TTN: variants seen among roughly 807,000 people sequenced by gnomAD.
The protein encoded by TTN is connectin.
TTN carries 1,525 observed loss-of-function variants against 3,223.0 expected under a neutral mutation model. That is an observed-to-expected ratio of 0.47 (90% confidence interval 0.45 to 0.49). TTN has a LOEUF of 0.49. Ranked by LOEUF, TTN falls within the 20% of genes least tolerant of loss-of-function variation. The pLI is 0.00. For synonymous variants in TTN, 14,094 were observed against 15,161.0 expected, an observed-to-expected ratio of 0.93 and a Z score of 5.17; for missense variants, 40,786 against 43,424.0, an observed-to-expected ratio of 0.94 and a Z score of 5.40.
At position 178,573,186 on chromosome 2, in the gene TTN, T is replaced by C. The variant is rs745520420; in HGVS notation, c.72946A>G (p.Lys24316Glu). Residue 24316 changes from lysine (K) to glutamate (E), a missense_variant, in exon 326 of 363, where the codon AAG (lysine) becomes GAG (glutamate). Coordinates refer to ENST00000589042, the MANE Select transcript of TTN (RefSeq NM_001267550.2). ...GGTTTAAACACAGTGTCACAAGCCT[T>C]GTAAAATGGACTGGTAGGACTTGGT... is the stretch of plus-strand genomic sequence containing the variant. ...SAPSPTSPFY[K>E]ACDTVFKPGP... The C allele has an allele frequency of 2.5e-6, 4 of 1,610,438 alleles. No individual in the cohort carries two copies. The South Asian group carries it at 3.3e-5, about 13-fold the overall frequency.
chr2:178,545,096 A>G (rs758157713), intron 344 of TTN, among the ~76,000 whole-genome samples: 3 of 152,222 alleles, frequency 2.0e-5, no homozygotes, highest in Non-Finnish European at 2.9e-5. Flanking sequence ...TTACAGTACA[A>G]TGCATTTTTC....
In TTN at chr2:178,669,370, C is replaced by G; in HGVS notation, c.35545+3G>C. 1 of 1,521,890 alleles carries G rather than the reference C, an allele frequency of 6.6e-7. No homozygotes were observed. The highest frequency in any genetic ancestry group is 8.7e-7 in the Non-Finnish European group (1 of 1,143,950). The allele number at this position is 1,521,890 out of a possible 1,614,324, so 94.3% of individuals were successfully genotyped here. On this transcript the variant is annotated splice_donor_region_variant and intron_variant, in intron 159 of 362. Coordinates refer to ENST00000589042, the MANE Select transcript of TTN (RefSeq NM_001267550.2). ...AAAGAACCACTAATTTTTCTACACT[C>G]ACTGTACATCTCTGTGTCTTCAGAA...
intron 138 of TTN, 116 bp downstream of exon 138, chr2:178,680,963 T>G: frequency 1.1e-6 from 1 of 934,256 alleles, no homozygotes; most frequent in Non-Finnish European, 1.6e-6. Flanking sequence ...ACATCCAACA[T>G]TCTGCTGACA....
At position 178,735,493 on chromosome 2, in the gene TTN, C is replaced by T; in HGVS notation, c.14935+18G>A. The T allele has an allele frequency of 6.5e-7, 1 of 1,536,702 alleles. No homozygotes were observed. The highest frequency in any genetic ancestry group is 2.1e-5 in the Admixed American group (1 of 46,828). ...CTTGCAGAGAAGGGACTAGAAAATA[C>T]ATTCACACGTTTCTTACCTCTGACA... is the stretch of plus-strand genomic sequence containing the variant. On this transcript the variant is annotated intron_variant, in intron 50 of 362. Coordinates refer to ENST00000589042, the MANE Select transcript of TTN (RefSeq NM_001267550.2).
At position 178,764,257 on chromosome 2, in the gene TTN, G is replaced by A; in HGVS notation, c.10034C>T (p.Pro3345Leu). ...SPDQEMPVYP[P>L]AIITPLQDTV... ...GTCCTGAAGCGGGGTGATGATGGCA[G>A]GTGGATAAACAGGCATTTCCTGATC... The change falls in exon 43 of 363, where the codon CCT becomes CTT. Residue 3345 changes from proline (P) to leucine (L), a missense_variant. By Grantham distance (98) the Pro-to-Leu change is moderately conservative. Transcript: ENST00000589042. 6.2e-7 allele frequency: 1 copy of A among 1,614,090 alleles called. No individual in the cohort carries two copies. The highest frequency in any genetic ancestry group is 2.2e-5 in the East Asian group (1 of 44,840).
chr2:178,791,708 A>G (rs1469459427), intron 10 of TTN, among the ~76,000 whole-genome samples: 2 of 133,356 alleles, frequency 1.5e-5, no homozygotes, highest in African/African-American at 5.3e-5. Flanking sequence ...TGTGCATGTA[A>G]AGTTTGTGCA....
chr2:178,650,457 GC>G (rs2062751235), intron 209 of TTN, among the ~76,000 whole-genome samples, 186 bp from the exon 210 acceptor site: 1 of 152,020 alleles, frequency 6.6e-6, no homozygotes, highest in Non-Finnish European at 1.5e-5. Context: ...TCAAATGCTT[GC>G]AAAGCCCTTT....
rs2087157685 is a variant in TTN at position 178,756,799 on chromosome 2, T to A, written c.10679-2A>T. The stretch of plus-strand genomic sequence containing the variant: ...AACTTTGCCTATCTAGGGCTTGCAC[T>A]GTATAATCAAGTGACAAGAAAAAGA... On this transcript the variant is annotated splice_acceptor_variant, in intron 45 of 362. Transcript: ENST00000589042. LOFTEE classifies it high-confidence loss of function. 1.2e-6 allele frequency: 2 copies of A among 1,610,724 alleles called. No individual in the cohort carries two copies. Among genetic ancestry groups the A allele is most frequent in the Non-Finnish European group, 1.7e-6 (2 of 1,178,444 alleles).
rs1206178025 is a variant in TTN at position 178,695,859 on chromosome 2, A to G, written c.31207+6T>C. The G allele has an allele frequency of 1.4e-6, 2 of 1,442,088 alleles. No homozygotes were observed. Among genetic ancestry groups the G allele is most frequent in the Non-Finnish European group, 1.8e-6 (2 of 1,097,530 alleles). 89.3% of individuals were successfully genotyped at this position (1,442,088 alleles called of 1,614,324 possible). A position where few individuals can be genotyped will look rare whatever the true frequency, so the allele number is the denominator to read the frequency against. ...GAGGGAAACAAGTCATTCAGTTTATACATACCTTCATAGACCTCCTTTTGA... is the reference window on the plus strand; with the variant it reads ...GAGGGAAACAAGTCATTCAGTTTATGCATACCTTCATAGACCTCCTTTTGA... On this transcript the variant is annotated splice_donor_region_variant and intron_variant, in intron 114 of 362. Transcript: ENST00000589042.
Position 178,557,146 on chromosome 2 carries a change from T to C in TTN, c.88010-2A>G. 1 of 1,613,406 alleles carries C rather than the reference T, an allele frequency of 6.2e-7. No homozygotes were observed. ...TGATACGAACATTTCTTGGGGGTTC[T>C]GTGGTAATAAGAGAAGCAGATTAGC... On this transcript the variant is annotated splice_acceptor_variant, in intron 329 of 362. Transcript: ENST00000589042. LOFTEE classifies it high-confidence loss of function.
rs141213991 is a variant in TTN, at chr2:178,776,385, C to T, written c.5479G>A (p.Ala1827Thr). 1 of 1,612,876 alleles carries T rather than the reference C, an allele frequency of 6.2e-7. No homozygotes were observed. Among genetic ancestry groups the T allele is most frequent in the Non-Finnish European group, 8.5e-7 (1 of 1,179,964 alleles). The change falls in exon 28 of 363, where the codon GCA (alanine) becomes ACA (threonine). Residue 1827 changes from alanine (A) to threonine (T), a missense_variant. Ala to Thr is a moderately conservative substitution (Grantham distance 58, BLOSUM62 0). Transcript: ENST00000589042. ...TGATCTGTTGTTACACCTGTAAGTG[C>T]ACCTTCATGAGCCATTCTCTCTAAT... ...EELERMAHEG[A>T]LTGVTTDQKE...
intron 106 of TTN, among the ~76,000 whole-genome samples, chr2:178,703,498 G>A (rs936391744): frequency 5.9e-5 from 9 of 152,078 alleles, no homozygotes; most frequent in Admixed American, 2.0e-4. Flanking sequence ...CAGCAACTAC[G>A]AATGGGCACC....
intron 250 of TTN, 84 bp downstream of exon 250, chr2:178,619,536 CA>C: frequency 9.1e-6 from 14 of 1,530,492 alleles, no homozygotes; most frequent in Non-Finnish European, 1.2e-5. Context: ...AAGACCCTCA[CA>C]AGGATTACCT....
chr2:178,613,476 T>C (rs2056719575), intron 263 of TTN, among the ~76,000 whole-genome samples, 200 bp from the exon 264 acceptor site: 2 of 151,986 alleles, frequency 1.3e-5, no homozygotes, highest in African/African-American at 4.8e-5. Context: ...ACCAATCTAA[T>C]TATAATATCT....
Position 178,536,566 on chromosome 2 carries a change from C to G in TTN, c.100181G>C (p.Gly33394Ala). Reference protein sequence around the residue: ...VIIKSPFEKPGAPGKPTITAV... With the variant: ...VIIKSPFEKPAAPGKPTITAV... ...AGTAATAGTTGGTTTGCCAGGAGCA[C>G]CTGGCTTTTCTATTAAACAAAAAAA... The change falls in exon 357 of 363, where the codon GGT becomes GCT. Residue 33394 changes from glycine (G) to alanine (A), a missense_variant. By Grantham distance (60) the Gly-to-Ala change is moderately conservative (BLOSUM62 0). Transcript: ENST00000589042. 1 of 1,491,798 alleles carries G rather than the reference C, an allele frequency of 6.7e-7. No individual in the cohort carries two copies. The highest frequency in any genetic ancestry group is 1.5e-5 in the South Asian group (1 of 68,518). 92.4% of individuals were successfully genotyped at this position (1,491,798 alleles called of 1,614,324 possible). A position where few individuals can be genotyped will look rare whatever the true frequency, so the allele number is the denominator to read the frequency against.
At position 178,718,826 on chromosome 2, in the gene TTN, T is replaced by C; in HGVS notation, c.24374A>G (p.Asn8125Ser). The C allele has an allele frequency of 6.2e-7, 1 of 1,613,718 alleles. No individual in the cohort carries two copies. Among genetic ancestry groups the C allele is most frequent in the Non-Finnish European group, 8.5e-7 (1 of 1,179,746 alleles). Residue 8125 changes from asparagine (N) to serine (S), a missense_variant, in exon 84 of 363, where the codon AAC becomes AGC. Asn to Ser is a conservative substitution (Grantham distance 46). Transcript: ENST00000589042. ...TGTGACAAAATCTTCCAGAGAGATG[T>C]TGCATGACTCCCCAGGCACCAGTTC... is the stretch of plus-strand genomic sequence containing the variant. ...SRELVPGESC[N>S]ISLEDFVTEL...
rs368279077 is a variant in TTN at position 178,728,431 on chromosome 2, A to G, written c.19427-34T>C. 32 of 1,579,274 alleles carry G rather than the reference A, an allele frequency of 2.0e-5. No individual in the cohort carries two copies. In the African/African-American group the frequency reaches 3.4e-4, roughly 17 times the overall value. ...TGCAAACAGCAAAACACATCCATTA[A>G]TCTCTTGCTATTTGTTTACAAAGGA... On this transcript the variant is annotated intron_variant, in intron 66 of 362. Transcript: ENST00000589042.
At position 178,611,245 on chromosome 2, in the gene TTN, G is replaced by A; in HGVS notation, c.50884C>T (p.His16962Tyr). ...DCKPTIDLETHDIIVIEGEKL... is the reference protein window; with the variant it reads ...DCKPTIDLETYDIIVIEGEKL... ...TCACCTTCAATAACAATAATGTCAT[G>A]AGTCTCCAGGTCAATTGTTGGCTTG... The change falls in exon 270 of 363, where the codon CAT becomes TAT. Residue 16962 changes from histidine to tyrosine, a missense_variant. Coordinates refer to ENST00000589042, the MANE Select transcript of TTN (RefSeq NM_001267550.2). 1.2e-6 allele frequency: 2 copies of A among 1,612,356 alleles called. No homozygotes were observed. The highest frequency in any genetic ancestry group is 8.5e-7 in the Non-Finnish European group (1 of 1,179,158).
chr2:178,781,335 T>C (rs908682795), intron 20 of TTN, 72 bp from the exon 21 acceptor site: 76 of 1,542,682 alleles, frequency 4.9e-5, no homozygotes, highest in East Asian at 3.2e-4. Flanking sequence ...ATTGGACTTA[T>C]CTGTGAGTGG....
Sources: gnomAD v4.1 joint callset for allele counts (sites outside exome capture counted in the v4.1 genomes callset) on GRCh38, gnomAD v4.1.1 for gene constraint, MANE v1.5 for transcripts, NCBI Gene and HGNC (gene_info 2026-07-23, HGNC 2026-07-21) for gene names.